The following PRKCE variants were observed in gnomAD, a reference collection of about 807,000 sequenced individuals.
The protein encoded by PRKCE is protein kinase C epsilon.
A neutral mutation model predicts 85.4 loss-of-function variants in PRKCE; 16 were observed. The ratio of observed to expected loss-of-function variants is 0.19; its 90% CI spans 0.13 to 0.28. PRKCE has a LOEUF of 0.28. Ranked by LOEUF, PRKCE falls within the 10% of genes least tolerant of loss-of-function variation. The pLI is 1.00. For synonymous variants in PRKCE, 388 were observed against 371.5 expected (o/e 1.04, Z -0.51); for missense variants, 573 against 975.2 (o/e 0.59, Z 5.49).
intron 6 of PRKCE, among the ~76,000 whole-genome samples, chr2:45,984,914 C>G (rs1030676585): frequency 1.3e-5 from 2 of 152,156 alleles, no homozygotes; most frequent in Non-Finnish European, 2.9e-5. Context: ...GCGGACTCCA[C>G]GCCTTAAGAT....
At chr2:46,039,069 C>T (rs1465531007) in intron 10 of PRKCE, among the ~76,000 whole-genome samples, 1 of 152,126 alleles carries the variant, frequency 6.6e-6, no homozygotes, top group Non-Finnish European at 1.5e-5. Flanking sequence ...GTTGAGACCC[C>T]ACCTCTGCTC....
At chr2:46,034,104 T>C (rs1467974060) in intron 10 of PRKCE, among the ~76,000 whole-genome samples, 1 of 152,204 alleles carries the variant, frequency 6.6e-6, no homozygotes, top group East Asian at 1.9e-4. Flanking sequence ...TCTAGGCTTT[T>C]AGAAATTTGG....
intron 1 of PRKCE, among the ~76,000 whole-genome samples, chr2:45,728,681 G>A (rs1208072575): frequency 6.6e-6 from 1 of 152,196 alleles, no homozygotes; most frequent in East Asian, 1.9e-4. Flanking sequence ...TTGCCTGACT[G>A]TAAGTTGAGG....
At position 45,979,020 on chromosome 2, in the gene PRKCE, A is replaced by T. The variant is rs751286823; in HGVS notation, c.607+10A>T. 1 of 1,598,678 alleles carries T rather than the reference A, an allele frequency of 6.3e-7. No individual in the cohort carries two copies. The highest frequency in any genetic ancestry group is 2.2e-5 in the East Asian group (1 of 44,874). On this transcript the variant is annotated intron_variant, in intron 4 of 14. Transcript: ENST00000306156. ...GGATACCAGTGTCAAGGTAAGAGGCATTTATGAATTAAATCTTCAGAGGCC... is the reference window on the plus strand; with the variant it reads ...GGATACCAGTGTCAAGGTAAGAGGCTTTTATGAATTAAATCTTCAGAGGCC...
chr2:45,987,261 AG>A (rs1217368185), intron 6 of PRKCE, among the ~76,000 whole-genome samples: 1 of 152,136 alleles, frequency 6.6e-6, no homozygotes, highest in Admixed American at 6.6e-5. Context: ...GGGCAGAATT[AG>A]GATGCCTGGA....
At chr2:45,705,436 G>A (rs1679031766) in intron 1 of PRKCE, among the ~76,000 whole-genome samples, 1 of 152,184 alleles carries the variant, frequency 6.6e-6, no homozygotes, top group African/African-American at 2.4e-5. Context: ...GCCAGTTGGG[G>A]GTATATGTAC....
chr2:45,678,200 A>G (rs1299076387), intron 1 of PRKCE, among the ~76,000 whole-genome samples: 1 of 152,214 alleles, frequency 6.6e-6, no homozygotes, highest in Non-Finnish European at 1.5e-5. Flanking sequence ...TTAAACCTTT[A>G]ATGTTCTACC....
intron 11 of PRKCE, among the ~76,000 whole-genome samples, chr2:46,094,520 C>T (rs1325125579): frequency 6.6e-6 from 1 of 151,926 alleles, no homozygotes; most frequent in African/African-American, 2.4e-5. Context: ...AGCAAACTAA[C>T]ACAGGAACAG....
Position 46,073,270 on chromosome 2 carries a change from T to C in PRKCE, c.1438-12938T>C, listed in dbSNP as rs1298313342. On this transcript the variant is annotated intron_variant, in intron 10 of 14. Coordinates refer to ENST00000306156, the MANE Select transcript of PRKCE (RefSeq NM_005400.3). ...CAGAGGATTGGAGTTACTAGAGGTT[T>C]TTCTTCTAGTGTAATCAAAGGAACC... 2.0e-5 allele frequency among the ~76,000 whole-genome samples: 3 copies of C among 152,176 alleles called. No homozygotes were observed. The East Asian group carries it at 5.8e-4, about 29-fold the overall frequency.
In PRKCE at chr2:46,154,580, G is replaced by A. The variant is rs141841681; in HGVS notation, c.1920+3351G>A. Among the ~76,000 whole-genome samples, 56 of 151,704 alleles carry A rather than the reference G, an allele frequency of 3.7e-4. No individual in the cohort carries two copies. In the East Asian group the frequency reaches 6.2e-3, roughly 17 times the overall value. On this transcript the variant is annotated intron_variant, in intron 13 of 14. Transcript: ENST00000306156. ...TTCACTGGCTCAGCCAAGCCCCTCCGTGTTAAAGTCCTCCTTGTCCTCGCC... is the reference window on the plus strand; with the variant it reads ...TTCACTGGCTCAGCCAAGCCCCTCCATGTTAAAGTCCTCCTTGTCCTCGCC...
intron 1 of PRKCE, among the ~76,000 whole-genome samples, chr2:45,659,586 T>C (rs1039753748): frequency 3.9e-5 from 6 of 152,200 alleles, no homozygotes; most frequent in African/African-American, 1.4e-4. Flanking sequence ...TCTGACCCTA[T>C]CACTTGCCAC....
At chr2:45,768,901 T>C (rs1685109941) in intron 1 of PRKCE, among the ~76,000 whole-genome samples, 1 of 152,230 alleles carries the variant, frequency 6.6e-6, no homozygotes, top group African/African-American at 2.4e-5. Context: ...AATGGACAAC[T>C]TCATATCTCC....
At chr2:45,654,004 A>T (rs956768799) in intron 1 of PRKCE, among the ~76,000 whole-genome samples, 4 of 152,178 alleles carry the variant, frequency 2.6e-5, no homozygotes, top group Admixed American at 2.6e-4. Flanking sequence ...GGGGAGTGGA[A>T]GGGATAACTA....
chr2:46,009,114 G>C (rs1240504313), intron 9 of PRKCE, among the ~76,000 whole-genome samples: 1 of 152,138 alleles, frequency 6.6e-6, no homozygotes, highest in East Asian at 1.9e-4. Flanking sequence ...TCAAATGATA[G>C]GAACACTTTA....
intron 2 of PRKCE, among the ~76,000 whole-genome samples, chr2:45,858,607 T>C (rs921063320): frequency 1.3e-5 from 2 of 152,214 alleles, no homozygotes; most frequent in Admixed American, 6.5e-5. Context: ...CTTTGCCATT[T>C]TTTCCCCCAA....
intron 2 of PRKCE, among the ~76,000 whole-genome samples, chr2:45,889,940 A>G (rs944124568): frequency 6.6e-6 from 1 of 152,218 alleles, no homozygotes; most frequent in Non-Finnish European, 1.5e-5. Context: ...TCAAATCCTC[A>G]GTGGTCAGTC....
chr2:46,008,463 G>T (rs1705390476), intron 9 of PRKCE, among the ~76,000 whole-genome samples: 2 of 152,318 alleles, frequency 1.3e-5, no homozygotes, highest in South Asian at 4.1e-4. Flanking sequence ...CCCTGGTTCT[G>T]TTCAGAGCTA....
chr2:45,784,131 GA>G, intron 1 of PRKCE, among the ~76,000 whole-genome samples: 2 of 152,392 alleles, frequency 1.3e-5, no homozygotes, highest in Admixed American at 1.3e-4. Context: ...CATATTAAAA[GA>G]AAAGTAGCAA....
chr2:45,760,830 G>C (rs898798664), intron 1 of PRKCE, among the ~76,000 whole-genome samples: 9 of 152,150 alleles, frequency 5.9e-5, no homozygotes, highest in African/African-American at 9.7e-5. Context: ...CTGGGTATCG[G>C]ATTTGGTGCT....
Sources: allele counts gnomAD v4.1 joint callset (sites outside exome capture counted in the v4.1 genomes callset), GRCh38; gene constraint gnomAD v4.1.1; transcripts MANE v1.5; gene names NCBI Gene and HGNC (gene_info 2026-07-23, HGNC 2026-07-21).